The following RIMOC1 variants were observed in gnomAD, a reference collection of about 807,000 sequenced individuals.
RIMOC1 encodes RAB7A-interacting MON1-CCZ1 complex subunit 1.
At chr5:41,919,319 C>T in the RIMOC1 span, 1 of 152,148 alleles carries the variant, frequency 6.6e-6, no homozygotes, top group East Asian at 1.9e-4. Flanking sequence ...CATGTCTCTG[C>T]AGTCATCCTG....
the RIMOC1 span, among the ~76,000 whole-genome samples, chr5:41,905,433 GCTAA>G: frequency 6.6e-6 from 1 of 152,162 alleles, no homozygotes; most frequent in African/African-American, 2.4e-5. Flanking sequence ...ATCTCGCCCG[GCTAA>G]CTTTGGCATA....
chr5:41,908,751 C>T, the RIMOC1 span, among the ~76,000 whole-genome samples: 2 of 151,996 alleles, frequency 1.3e-5, no homozygotes, highest in African/African-American at 4.8e-5. Flanking sequence ...CGAGAGTGTT[C>T]CAGACATTTT....
chr5:41,908,507 G>A, the RIMOC1 span: 1 of 151,984 alleles, frequency 6.6e-6, no homozygotes, highest in Non-Finnish European at 1.5e-5. Context: ...AGTACACTTA[G>A]TTAGGCTTCC....
At chr5:41,916,622 A>G in the RIMOC1 span, among the ~76,000 whole-genome samples, 2 of 152,150 alleles carry the variant, frequency 1.3e-5, no homozygotes, top group Admixed American at 6.5e-5. Context: ...GGGTGTGTCC[A>G]TGGATGTAAT....
chr5:41,909,653 T>C, the RIMOC1 span: 1 of 791,566 alleles, frequency 1.3e-6, no homozygotes, highest in Non-Finnish European at 1.9e-6. Flanking sequence ...AAATGTGTAA[T>C]AAAGCACCTA....
At chr5:41,918,173 C>T in the RIMOC1 span, 7 of 985,630 alleles carry the variant, frequency 7.1e-6, no homozygotes, top group South Asian at 3.3e-4. Flanking sequence ...CTTTCTGATA[C>T]CTTGCTGATA....
At chr5:41,917,174 C>T in the RIMOC1 span, 26 of 1,613,504 alleles carry the variant, frequency 1.6e-5, no homozygotes, top group East Asian at 8.9e-5. Flanking sequence ...CTTGGATTTC[C>T]GAGAAGTAGG....
chr5:41,913,209 C>A, the RIMOC1 span, among the ~76,000 whole-genome samples: 316 of 152,328 alleles, frequency 2.1e-3, no homozygotes, highest in African/African-American at 7.2e-3. Context: ...AAGTTTCTTA[C>A]AACCTCCATT....
chr5:41,904,373 G>A, the RIMOC1 span: 2 of 1,613,424 alleles, frequency 1.2e-6, no homozygotes, highest in East Asian at 2.2e-5. Context: ...TGGCCATGGC[G>A]GCCGCAGTCT....
the RIMOC1 span, among the ~76,000 whole-genome samples, chr5:41,909,307 C>T: frequency 4.6e-5 from 7 of 152,048 alleles, no homozygotes; most frequent in Admixed American, 3.3e-4. Context: ...AGGATACATA[C>T]GCCCCTCACG....
the RIMOC1 span, chr5:41,921,408 T>C: frequency 6.6e-6 from 1 of 151,998 alleles, no homozygotes; most frequent in African/African-American, 2.4e-5. Flanking sequence ...GATTCTATAG[T>C]TTTTTAGTTT....
chr5:41,909,610 C>A, the RIMOC1 span: 2 of 489,508 alleles, frequency 4.1e-6, no homozygotes, highest in Non-Finnish European at 6.8e-6. Flanking sequence ...ATTTTGCCTA[C>A]TTCTCAAATT....
the RIMOC1 span, chr5:41,907,804 T>C: frequency 3.7e-6 from 6 of 1,609,472 alleles, no homozygotes; most frequent in African/African-American, 8.0e-5. Context: ...AGAGAAAGAA[T>C]GTTCAAATCC....
At chr5:41,919,604 A>T in the RIMOC1 span, 2 of 152,198 alleles carry the variant, frequency 1.3e-5, no homozygotes, top group Admixed American at 1.3e-4. Flanking sequence ...TTTTTAGAGC[A>T]TCCTGATCAA....
chr5:41,907,595 ATAT>A, the RIMOC1 span: 7 of 544,676 alleles, frequency 1.3e-5, no homozygotes, highest in Non-Finnish European at 2.2e-5. Context: ...TTTAGATAAG[ATAT>A]TATTACTATA....
the RIMOC1 span, among the ~76,000 whole-genome samples, chr5:41,908,880 A>G: frequency 6.6e-6 from 1 of 152,186 alleles, no homozygotes; most frequent in Non-Finnish European, 1.5e-5. Flanking sequence ...GAAATCATAT[A>G]TGATGATCTC....
chr5:41,917,940 C>CA, the RIMOC1 span: 1 of 925,190 alleles, frequency 1.1e-6, no homozygotes, highest in Non-Finnish European at 1.3e-6. Flanking sequence ...GTTTAAAAGA[C>CA]AATGCATGGC....
chr5:41,908,754 G>A, the RIMOC1 span, among the ~76,000 whole-genome samples: 6 of 152,040 alleles, frequency 3.9e-5, no homozygotes, highest in African/African-American at 1.4e-4. Context: ...GAGTGTTCCA[G>A]ACATTTTAAC....
chr5:41,906,463 A>C, the RIMOC1 span, among the ~76,000 whole-genome samples: 1 of 152,222 alleles, frequency 6.6e-6, no homozygotes, highest in African/African-American at 2.4e-5. Context: ...AGTGAGTTCA[A>C]TGCAAATCTT....
Sources: gnomAD v4.1 joint callset for allele counts (sites outside exome capture counted in the v4.1 genomes callset) on GRCh38, gnomAD v4.1.1 for gene constraint, MANE v1.5 for transcripts, NCBI Gene and HGNC (gene_info 2026-07-23, HGNC 2026-07-21) for gene names.